The following SLC16A9 variants were observed in gnomAD, a reference collection of about 807,000 sequenced individuals.
SLC16A9 encodes solute carrier family 16 member 9, also known as monocarboxylate transporter 9.
In SLC16A9, 26 loss-of-function variants were observed where a neutral mutation model predicts 44.3. That is an observed-to-expected ratio of 0.59 (90% confidence interval 0.43 to 0.81). The LOEUF (loss-of-function observed/expected upper bound fraction) is 0.81, where lower values mean the gene tolerates loss of function less well. Among genes scored for constraint, SLC16A9 ranks in the 40% least tolerant of loss-of-function variants. The pLI is 0.00. For synonymous variants in SLC16A9, 230 were observed against 225.1 expected (o/e 1.02, Z -0.19); for missense variants, 559 against 595.8 (o/e 0.94, Z 0.64).
chr10:59,698,178 G>T (rs546137458), intron 1 of SLC16A9, among the ~76,000 whole-genome samples: 1 of 152,238 alleles, frequency 6.6e-6, no homozygotes, highest in South Asian at 2.1e-4. Flanking sequence ...TAGGGCTTTG[G>T]AAACTTTTAA....
At chr10:59,701,133 T>C (rs1474183040) in intron 1 of SLC16A9, among the ~76,000 whole-genome samples, 3 of 152,190 alleles carry the variant, frequency 2.0e-5, no homozygotes, top group Admixed American at 6.6e-5. Flanking sequence ...GTCATGACCG[T>C]ACTTCCATTT....
At chr10:59,707,162 G>T (rs180982307) in intron 1 of SLC16A9, among the ~76,000 whole-genome samples, 2 of 150,740 alleles carry the variant, frequency 1.3e-5, no homozygotes, top group Non-Finnish European at 3.0e-5. Flanking sequence ...GAGGTGCGAG[G>T]ATCACCTGAG....
In SLC16A9 at chr10:59,652,630, AAAAT is replaced by A; in HGVS notation, c.*138_*141del. The A allele has an allele frequency of 1.4e-6, 1 of 713,792 alleles. No homozygotes were observed. Among genetic ancestry groups the A allele is most frequent in the Admixed American group, 3.4e-5 (1 of 29,076 alleles). The allele number at this position is 713,792 out of a possible 1,614,324, so 44.2% of individuals were successfully genotyped here. On this transcript the variant is annotated 3_prime_UTR_variant, in exon 6 of 6. Coordinates refer to ENST00000395348, the MANE Select transcript of SLC16A9 (RefSeq NM_194298.3). ...ACATAAAAAATAGGATATATAAAAA[AAAAT>A]AATTCATTCAGAGTCAGTCATTGTG...
At chr10:59,685,704 T>C (rs1168015156) in intron 1 of SLC16A9, among the ~76,000 whole-genome samples, 2 of 152,234 alleles carry the variant, frequency 1.3e-5, no homozygotes, top group African/African-American at 2.4e-5. Context: ...TATTCATATA[T>C]CTTTTTGCTT....
chr10:59,660,154 G>A (rs1395144309), intron 4 of SLC16A9, among the ~76,000 whole-genome samples: 1 of 152,094 alleles, frequency 6.6e-6, no homozygotes, highest in African/African-American at 2.4e-5. Flanking sequence ...TAAGATCAGA[G>A]CAGAACTGAA....
At chr10:59,682,449 A>G (rs1840044688) in intron 2 of SLC16A9, among the ~76,000 whole-genome samples, 1 of 151,864 alleles carries the variant, frequency 6.6e-6, no homozygotes, top group Non-Finnish European at 1.5e-5. Context: ...GCTGCAGTTG[A>G]ATTGTCAAAA....
At chr10:59,692,418 A>C (rs1214750834) in intron 1 of SLC16A9, among the ~76,000 whole-genome samples, 1 of 152,204 alleles carries the variant, frequency 6.6e-6, no homozygotes, top group African/African-American at 2.4e-5. Context: ...ATGGGGAATG[A>C]CTGTTAAAGG....
intron 1 of SLC16A9, among the ~76,000 whole-genome samples, chr10:59,693,959 ATGGAGT>A (rs1255871936): frequency 2.0e-5 from 3 of 146,568 alleles, no homozygotes; most frequent in Non-Finnish European, 4.5e-5. Flanking sequence ...TTATTTTGAG[ATGGAGT>A]CTCGCTCTGT....
chr10:59,693,449 C>T (rs1422311733), intron 1 of SLC16A9, among the ~76,000 whole-genome samples: 1 of 152,066 alleles, frequency 6.6e-6, no homozygotes, highest in African/African-American at 2.4e-5. Flanking sequence ...AAAAAGAATC[C>T]ACCCTGTTGT....
chr10:59,653,079 G>T, intron 5 of SLC16A9, 129 bp from the exon 6 acceptor site: 1 of 621,394 alleles, frequency 1.6e-6, no homozygotes, highest in Non-Finnish European at 2.5e-6. Flanking sequence ...TTCCAGCGTG[G>T]TTTACTGGGA....
At chr10:59,657,555 C>T (rs1839376894) in intron 4 of SLC16A9, among the ~76,000 whole-genome samples, 1 of 152,218 alleles carries the variant, frequency 6.6e-6, no homozygotes, top group South Asian at 2.1e-4. Flanking sequence ...TAAATCTTGA[C>T]TGCCCATAGT....
At chr10:59,665,366 A>G (rs982864789) in intron 3 of SLC16A9, among the ~76,000 whole-genome samples, 2 of 152,224 alleles carry the variant, frequency 1.3e-5, no homozygotes, top group Admixed American at 6.5e-5. Flanking sequence ...AGCTACCTGG[A>G]CTATGATTTA....
intron 1 of SLC16A9, among the ~76,000 whole-genome samples, chr10:59,700,810 TCA>T (rs946463599): frequency 5.3e-5 from 8 of 152,198 alleles, no homozygotes; most frequent in African/African-American, 1.9e-4. Context: ...CCCTGCATCC[TCA>T]CAGTTTGTCA....
In SLC16A9 at chr10:59,650,786, T is replaced by C. The variant is rs1839177821; in HGVS notation, c.*1986A>G. 6.6e-6 allele frequency: 1 copy of C among 152,192 alleles called. No homozygotes were observed. Among genetic ancestry groups the C allele is most frequent in the Admixed American group, 6.5e-5 (1 of 15,268 alleles). 9.4% of individuals were successfully genotyped at this position (152,192 alleles called of 1,614,324 possible). A position where few individuals can be genotyped will look rare whatever the true frequency, so the allele number is the denominator to read the frequency against. ...TGATGCAAAACAAAGAAAAATATTTTATTGTAACTTAAAATTCATCCCCTA... is the reference window on the plus strand; with the variant it reads ...TGATGCAAAACAAAGAAAAATATTTCATTGTAACTTAAAATTCATCCCCTA... On this transcript the variant is annotated 3_prime_UTR_variant, in exon 6 of 6. Coordinates refer to ENST00000395348, the MANE Select transcript of SLC16A9 (RefSeq NM_194298.3).
At position 59,672,787 on chromosome 10, in the gene SLC16A9, G is replaced by A; in HGVS notation, c.323C>T (p.Ser108Phe). The A allele has an allele frequency of 6.2e-7, 1 of 1,612,926 alleles. No individual in the cohort carries two copies. The highest frequency in any genetic ancestry group is 8.5e-7 in the Non-Finnish European group (1 of 1,179,528). ...TTCCTTACCTACAACAATGCCATAGGAAAAAAACAGAAAGTAGATATTGGG... is the reference window on the plus strand; with the variant it reads ...TTCCTTACCTACAACAATGCCATAGAAAAAAAACAGAAAGTAGATATTGGG... Reference protein sequence around the residue: ...FAPNIYFLFFSYGIVVGLGCG... With the variant: ...FAPNIYFLFFFYGIVVGLGCG... The change falls in exon 3 of 6, where the codon TCC (serine) becomes TTC (phenylalanine). Residue 108 changes from serine (S) to phenylalanine (F), a missense_variant. Coordinates refer to ENST00000395348, the MANE Select transcript of SLC16A9 (RefSeq NM_194298.3).
At chr10:59,676,316 T>A (rs929265226) in intron 2 of SLC16A9, among the ~76,000 whole-genome samples, 2 of 152,216 alleles carry the variant, frequency 1.3e-5, no homozygotes, top group Admixed American at 1.3e-4. Flanking sequence ...TCAAGTCACA[T>A]CTGCAAAATG....
At chr10:59,674,670 C>G (rs546899980) in intron 2 of SLC16A9, among the ~76,000 whole-genome samples, 93 of 152,332 alleles carry the variant, frequency 6.1e-4, no homozygotes, top group African/African-American at 2.2e-3. Context: ...CATGACCCTT[C>G]TCTGTTGTTA....
intron 3 of SLC16A9, among the ~76,000 whole-genome samples, chr10:59,669,131 T>C (rs1481841108): frequency 6.6e-6 from 1 of 152,156 alleles, no homozygotes; most frequent in Non-Finnish European, 1.5e-5. Context: ...AATAACAATA[T>C]ATTCTAAAGA....
Position 59,684,245 on chromosome 10 carries a change from A to G in SLC16A9, c.47T>C (p.Val16Ala). ...AAACTGAGTAAGGAAGGAGACAAAC[A>G]CAATCACCCAGCCCCATCCACCGTC... ...SPDGGWGWVI[V>A]FVSFLTQFLC... The change falls in exon 2 of 6, where the codon GTG (valine) becomes GCG (alanine). Residue 16 changes from valine to alanine, a missense_variant. Transcript: ENST00000395348. 5.6e-6 allele frequency: 9 copies of G among 1,614,136 alleles called. No individual in the cohort carries two copies. The highest frequency in any genetic ancestry group is 6.8e-6 in the Non-Finnish European group (8 of 1,180,016).
Sources: allele counts gnomAD v4.1 joint callset (sites outside exome capture counted in the v4.1 genomes callset), GRCh38; gene constraint gnomAD v4.1.1; transcripts MANE v1.5; gene names NCBI Gene and HGNC (gene_info 2026-07-23, HGNC 2026-07-21).